Variants in GNA11 observed in about 807,000 individuals in gnomAD.
The protein encoded by GNA11 is G protein subunit alpha 11.
In GNA11, 8 loss-of-function variants were observed where a neutral mutation model predicts 38.2. The observed-to-expected ratio is 0.21, with a 90% CI of 0.12 to 0.38. The LOEUF is 0.38. Ranked by LOEUF, GNA11 falls within the 10% of genes least tolerant of loss-of-function variation. The pLI is 1.00. For missense variants in GNA11, 268 were observed against 516.3 expected (o/e 0.52, Z 4.66); for synonymous variants, 211 against 221.4 (o/e 0.95, Z 0.42).
In GNA11 at chr19:3,123,845, G is replaced by A. The variant is rs563936146; in HGVS notation, c.*2666G>A. On this transcript the variant is annotated 3_prime_UTR_variant, in exon 7 of 7. Transcript: ENST00000078429. ...CATTTGAAATGCATGTGTTGTGCGC[G>A]TTGGGGATGGGAGGAGGGGCTGAGG... 55 of 232,384 alleles carry A rather than the reference G, an allele frequency of 2.4e-4. No homozygotes were observed. Among genetic ancestry groups the A allele is most frequent in the African/African-American group, 8.2e-4 (37 of 45,394 alleles). 14.4% of individuals were successfully genotyped at this position (232,384 alleles called of 1,614,324 possible).
chr19:3,096,433 G>A (rs928939594), intron 1 of GNA11, among the ~76,000 whole-genome samples: 2 of 152,128 alleles, frequency 1.3e-5, no homozygotes, highest in Non-Finnish European at 2.9e-5. Flanking sequence ...GGAATTACTG[G>A]TGTCATAAAG....
chr19:3,114,842 C>T (rs1032509077), intron 3 of GNA11, 102 bp from the exon 4 acceptor site: 3 of 1,166,054 alleles, frequency 2.6e-6, no homozygotes, highest in African/African-American at 3.0e-5. Context: ...CGGTCCACCC[C>T]CTCCTGGTGG....
chr19:3,100,938 C>T (rs150160290), intron 1 of GNA11, among the ~76,000 whole-genome samples: 145 of 152,318 alleles, frequency 9.5e-4, no homozygotes, highest in African/African-American at 3.1e-3. Context: ...CGAAAAGCTG[C>T]GGAGTAACCC....
At chr19:3,112,063 T>G (rs937024705) in intron 2 of GNA11, among the ~76,000 whole-genome samples, 3 of 151,894 alleles carry the variant, frequency 2.0e-5, no homozygotes, top group African/African-American at 7.3e-5. Context: ...TACCCATTTC[T>G]GCCATGTTGC....
chr19:3,116,343 G>A (rs368314618), intron 4 of GNA11, among the ~76,000 whole-genome samples: 267 of 152,256 alleles, frequency 1.8e-3, no homozygotes, highest in African/African-American at 6.0e-3. Flanking sequence ...CCTTATTCCC[G>A]CCCAGTGCTG....
chr19:3,094,904 C>G lies in GNA11; in HGVS notation c.136+117C>G. On this transcript the variant is annotated intron_variant, in intron 1 of 6. Transcript: ENST00000078429. This position sits in a 1 kb window ranked among gnomAD's most constrained non-coding sequence, Gnocchi z 6.0. ...AGCCCTGCCTGTGCCGTCCGGGTCG[C>G]GAGACCCTCCGGGGTCAGCCCTGCC... 1.5e-6 allele frequency: 1 copy of G among 674,534 alleles called. No homozygotes were observed. The highest frequency in any genetic ancestry group is 3.6e-5 in the East Asian group (1 of 27,550). The allele number at this position is 674,534 out of a possible 1,614,324, so 41.8% of individuals were successfully genotyped here.
At chr19:3,118,761 G>A (rs955126367) in intron 4 of GNA11, 163 bp from the exon 5 acceptor site, 9 of 650,626 alleles carry the variant, frequency 1.4e-5, no homozygotes, top group South Asian at 9.4e-5. Context: ...CGGTGCGGCC[G>A]CTCTCTGAGA....
Position 3,122,085 on chromosome 19 carries a change from C to T in GNA11, c.*906C>T, listed in dbSNP as rs1277019659. 2 of 233,178 alleles carry T rather than the reference C, an allele frequency of 8.6e-6. No individual in the cohort carries two copies. The highest frequency in any genetic ancestry group is 4.4e-5 in the African/African-American group (2 of 45,294). The allele number at this position is 233,178 out of a possible 1,614,324, so 14.4% of individuals were successfully genotyped here. A position where few individuals can be genotyped will look rare whatever the true frequency, so the allele number is the denominator to read the frequency against. On this transcript the variant is annotated 3_prime_UTR_variant, in exon 7 of 7. Transcript: ENST00000078429. This position sits in a 1 kb window ranked among gnomAD's most constrained non-coding sequence, Gnocchi z 7.7. ...TGGCTAGAGCGCACCCCACCGGAGC[C>T]CACGTGGGCTGGGCGGCTGGAGGGA...
intron 1 of GNA11, among the ~76,000 whole-genome samples, chr19:3,095,651 G>C (rs2145301428): frequency 6.6e-6 from 1 of 152,178 alleles, no homozygotes; most frequent in Non-Finnish European, 1.5e-5. Flanking sequence ...GTGGGAAAAA[G>C]ACAGTCTTTC....
At chr19:3,099,165 G>A (rs897100168) in intron 1 of GNA11, among the ~76,000 whole-genome samples, 3 of 152,218 alleles carry the variant, frequency 2.0e-5, no homozygotes, top group African/African-American at 7.2e-5. Context: ...GGCATCAGGA[G>A]GTTGGAGAGG....
At position 3,121,879 on chromosome 19, in the gene GNA11, TCA is replaced by T. The variant is rs1334408125; in HGVS notation, c.*703_*704del. 2 of 230,136 alleles carry T rather than the reference TCA, an allele frequency of 8.7e-6. No individual in the cohort carries two copies. The highest frequency in any genetic ancestry group is 1.7e-5 in the Non-Finnish European group (2 of 116,162). The allele number at this position is 230,136 out of a possible 1,614,324, so 14.3% of individuals were successfully genotyped here. On this transcript the variant is annotated 3_prime_UTR_variant, in exon 7 of 7. Coordinates refer to ENST00000078429, the MANE Select transcript of GNA11 (RefSeq NM_002067.5). Reference sequence around the variant, plus strand: ...TTTTTGAGGAAAAAGAACGCCTGACTCACAGGTTGAAGAAACACCCTGGGCCC... The same window carrying T: ...TTTTTGAGGAAAAAGAACGCCTGACTCAGGTTGAAGAAACACCCTGGGCCC...
rs1276597966 is a variant in GNA11 at position 3,120,086 on chromosome 19, G to C, written c.889+727G>C. On this transcript the variant is annotated intron_variant, in intron 6 of 6. Transcript: ENST00000078429. This position sits in a 1 kb window ranked among gnomAD's most constrained non-coding sequence, Gnocchi z 5.9. ...GCACAGTGAGGCCCTGGGCAGCTCT[G>C]GCGCCCTCATTTCCACCCCGGATCT... Among the ~76,000 whole-genome samples, 1 of 152,060 alleles carries C rather than the reference G, an allele frequency of 6.6e-6. No homozygotes were observed. The highest frequency in any genetic ancestry group is 2.4e-5 in the African/African-American group (1 of 41,406).
Position 3,110,327 on chromosome 19 carries a change from G to A in GNA11, c.315G>A (p.Gln105=). The A allele has an allele frequency of 1.9e-6, 3 of 1,609,770 alleles. No individual in the cohort carries two copies. Among genetic ancestry groups the A allele is most frequent in the Non-Finnish European group, 2.6e-6 (3 of 1,176,428 alleles). The change falls in exon 2 of 7, where the codon CAG becomes CAA. Residue 105 remains glutamine, a synonymous_variant. Transcript: ENST00000078429. This position sits in a 1 kb window ranked among gnomAD's most constrained non-coding sequence, Gnocchi z 5.4. ...ETLKILYKYE[Q]NKANALLIRE... is the part of the protein sequence containing the mutation. ...TCAAGATCCTCTACAAGTACGAGCAGAACAAGGTGAGCCCGCGGGCGCCTG... is the reference window on the plus strand; with the variant it reads ...TCAAGATCCTCTACAAGTACGAGCAAAACAAGGTGAGCCCGCGGGCGCCTG...
Position 3,110,857 on chromosome 19 carries a change from G to T in GNA11, c.321+524G>T, listed in dbSNP as rs763707386. Among the ~76,000 whole-genome samples, 3 of 152,186 alleles carry T rather than the reference G, an allele frequency of 2.0e-5. No individual in the cohort carries two copies. Among genetic ancestry groups the T allele is most frequent in the Non-Finnish European group, 2.9e-5 (2 of 68,028 alleles). ...TCTGTCGCCCAGGCTGGAGTGCAGTGGAATGGTCAAGGCTCATCACAGCCT... is the reference window on the plus strand; with the variant it reads ...TCTGTCGCCCAGGCTGGAGTGCAGTTGAATGGTCAAGGCTCATCACAGCCT... On this transcript the variant is annotated intron_variant, in intron 2 of 6. Coordinates refer to ENST00000078429, the MANE Select transcript of GNA11 (RefSeq NM_002067.5). The surrounding 1 kb of genome is among the most constrained non-coding windows in gnomAD (Gnocchi z 5.4).
chr19:3,114,525 T>A (rs1380245651), intron 3 of GNA11, among the ~76,000 whole-genome samples: 2 of 152,130 alleles, frequency 1.3e-5, no homozygotes, highest in Non-Finnish European at 2.9e-5. Context: ...CCTCTGCAGC[T>A]GCGACTCTCC....
chr19:3,095,241 G>A (rs920587073), intron 1 of GNA11, among the ~76,000 whole-genome samples: 1 of 152,256 alleles, frequency 6.6e-6, no homozygotes, highest in Non-Finnish European at 1.5e-5. Flanking sequence ...ATCACTCCTA[G>A]GTCAGCTCCC....
chr19:3,099,723 C>T (rs1470439709), intron 1 of GNA11, among the ~76,000 whole-genome samples: 5 of 152,210 alleles, frequency 3.3e-5, no homozygotes, highest in Non-Finnish European at 1.5e-5. Context: ...CAGAAGCCTC[C>T]GATGGTCTCT....
In GNA11 at chr19:3,098,949, A is replaced by G. The variant is rs577876471; in HGVS notation, c.136+4162A>G. ...CTGAAAGGGTCTGCTTTTCCCGGGCATGGTCCGGGAAGCTCCGTTCCACAG... is the reference window on the plus strand; with the variant it reads ...CTGAAAGGGTCTGCTTTTCCCGGGCGTGGTCCGGGAAGCTCCGTTCCACAG... On this transcript the variant is annotated intron_variant, in intron 1 of 6. Coordinates refer to ENST00000078429, the MANE Select transcript of GNA11 (RefSeq NM_002067.5). Among the ~76,000 whole-genome samples the G allele has an allele frequency of 9.9e-5, 15 of 152,268 alleles. No homozygotes were observed. The East Asian group carries it at 2.7e-3, about 27-fold the overall frequency.
chr19:3,094,387 T>TGCGGCGGCTGCGGTTG lies in GNA11; in HGVS notation c.-260_-245dup, dbSNP rs1327311732. On this transcript the variant is annotated 5_prime_UTR_variant, in exon 1 of 7. Transcript: ENST00000078429. The surrounding 1 kb of genome is among the most constrained non-coding windows in gnomAD (Gnocchi z 6.0). Reference sequence around the variant, plus strand: ...AGGTTGTCCGGCGCTGTCGCTCGGTTGCGGCGGCTGCGGTTGGCGGTGGCT... The same window carrying TGCGGCGGCTGCGGTTG: ...AGGTTGTCCGGCGCTGTCGCTCGGTTGCGGCGGCTGCGGTTGGCGGCGGCTGCGGTTGGCGGTGGCT... The TGCGGCGGCTGCGGTTG allele has an allele frequency of 6.7e-6, 1 of 149,662 alleles. No homozygotes were observed. Among genetic ancestry groups the TGCGGCGGCTGCGGTTG allele is most frequent in the Admixed American group, 6.7e-5 (1 of 14,990 alleles). 9.3% of individuals were successfully genotyped at this position (149,662 alleles called of 1,614,324 possible). A position where few individuals can be genotyped will look rare whatever the true frequency, so the allele number is the denominator to read the frequency against.
Sources: gnomAD v4.1 joint callset for allele counts (sites outside exome capture counted in the v4.1 genomes callset) on GRCh38, gnomAD v4.1.1 for gene constraint, Gnocchi (gnomAD v3.1) non-coding constraint, MANE v1.5 for transcripts, NCBI Gene and HGNC (gene_info 2026-07-23, HGNC 2026-07-21) for gene names.